The following SYT14 variants were observed in gnomAD, a reference collection of about 807,000 sequenced individuals.
SYT14 encodes synaptotagmin-14.
Under a neutral mutation model 74.2 loss-of-function variants are expected in SYT14, and 32 were observed. The ratio of observed to expected loss-of-function variants is 0.43; its 90% CI spans 0.33 to 0.58. The LOEUF (loss-of-function observed/expected upper bound fraction) is 0.58. Among genes scored for constraint, SYT14 ranks in the 20% least tolerant of loss-of-function variants. SYT14 has a pLI of 0.05. For missense variants in SYT14, 791 were observed against 981.8 expected (o/e 0.81, Z 2.60); for synonymous variants, 298 against 337.7 (o/e 0.88, Z 1.29).
chr1:210,095,579 T>G (rs558930802), intron 6 of SYT14, among the ~76,000 whole-genome samples: 5 of 152,294 alleles, frequency 3.3e-5, no homozygotes, highest in African/African-American at 1.2e-4. Flanking sequence ...GATTGCAAGT[T>G]TTTACTGTTT....
chr1:210,010,510 C>CT (rs549661543), intron 2 of SYT14, among the ~76,000 whole-genome samples: 272 of 152,168 alleles, frequency 1.8e-3, no homozygotes, highest in Non-Finnish European at 2.3e-3. Flanking sequence ...GGTTCTATTC[C>CT]TTTTTTATAC....
intron 2 of SYT14, among the ~76,000 whole-genome samples, chr1:209,999,002 A>G (rs1174075473): frequency 2.0e-5 from 3 of 152,114 alleles, no homozygotes; most frequent in African/African-American, 7.2e-5. Flanking sequence ...CAAAAAGACA[A>G]CATGTTGAAT....
intron 5 of SYT14, among the ~76,000 whole-genome samples, chr1:210,024,583 G>GTGCA (rs1390143931): frequency 2.6e-5 from 4 of 152,114 alleles, no homozygotes; most frequent in African/African-American, 7.2e-5. Flanking sequence ...TTTTACATAT[G>GTGCA]TGATGAGGCA....
At chr1:209,977,367 T>C (rs944206121) in intron 2 of SYT14, among the ~76,000 whole-genome samples, 10 of 152,218 alleles carry the variant, frequency 6.6e-5, no homozygotes, top group East Asian at 3.8e-4. Context: ...CCATGTTTAG[T>C]GCTTCCTTCA....
exon 3 of SYT14, chr1:210,013,673 G>A: frequency 3.1e-6 from 5 of 1,613,028 alleles, no homozygotes; most frequent in Non-Finnish European, 4.2e-6. Flanking sequence ...CTGTTGGGGT[G>A]TTTATTATCT....
chr1:209,939,686 C>T (rs1210888173), intron 1 of SYT14, among the ~76,000 whole-genome samples: 2 of 152,138 alleles, frequency 1.3e-5, no homozygotes, highest in Non-Finnish European at 2.9e-5. Flanking sequence ...CTTTATTTTC[C>T]CAACTAGTTT....
At chr1:210,083,833 G>A (rs2081665235) in intron 5 of SYT14, among the ~76,000 whole-genome samples, 1 of 151,874 alleles carries the variant, frequency 6.6e-6, no homozygotes, top group Admixed American at 6.6e-5. Flanking sequence ...GCCTCCCAAA[G>A]TTCTGGAATT....
chr1:210,050,040 G>A (rs1041238366), intron 5 of SYT14, among the ~76,000 whole-genome samples: 6 of 152,148 alleles, frequency 3.9e-5, no homozygotes, highest in African/African-American at 1.4e-4. Flanking sequence ...AATTTCTACA[G>A]CTGGTTTGAA....
intron 2 of SYT14, among the ~76,000 whole-genome samples, chr1:209,982,992 G>A (rs965573874): frequency 3.3e-5 from 5 of 151,542 alleles, no homozygotes; most frequent in African/African-American, 4.8e-5. Flanking sequence ...TATGCTTATC[G>A]CTTTTGGTGA....
chr1:210,155,670 T>G lies in SYT14; in HGVS notation c.2035-51T>G, dbSNP rs565019952. 5 of 1,579,124 alleles carry G rather than the reference T, an allele frequency of 3.2e-6. No individual in the cohort carries two copies. The South Asian group carries it at 5.6e-5, about 18-fold the overall frequency. ...TAAACATGGCATAACAATATATCTC[T>G]TAATATATCTCTCTTGCAAAATACT... is the stretch of plus-strand genomic sequence containing the variant. On this transcript the variant is annotated intron_variant, in intron 7 of 9. Transcript: ENST00000637265.
chr1:209,968,327 G>A (rs2079188627), intron 2 of SYT14, among the ~76,000 whole-genome samples: 1 of 152,006 alleles, frequency 6.6e-6, no homozygotes, highest in Admixed American at 6.6e-5. Flanking sequence ...TTTAACAAAT[G>A]TGTAATGACG....
At chr1:210,130,679 C>A (rs1322172885) in intron 7 of SYT14, among the ~76,000 whole-genome samples, 1 of 152,114 alleles carries the variant, frequency 6.6e-6, no homozygotes, top group Non-Finnish European at 1.5e-5. Flanking sequence ...AAGATTTGTT[C>A]CAAAATAACA....
At chr1:210,139,745 G>A (rs991918038) in intron 7 of SYT14, among the ~76,000 whole-genome samples, 1 of 152,136 alleles carries the variant, frequency 6.6e-6, no homozygotes, top group Admixed American at 6.5e-5. Context: ...GTGGCCTTTT[G>A]TGTTTGATGA....
intron 5 of SYT14, among the ~76,000 whole-genome samples, chr1:210,062,287 A>G (rs918185660): frequency 2.0e-5 from 3 of 151,922 alleles, no homozygotes; most frequent in African/African-American, 7.2e-5. Flanking sequence ...TTTGATTCTT[A>G]CAGTGTAAAA....
At chr1:210,137,559 T>A (rs1289180546) in intron 7 of SYT14, among the ~76,000 whole-genome samples, 1 of 152,004 alleles carries the variant, frequency 6.6e-6, no homozygotes, top group African/African-American at 2.4e-5. Context: ...GAAAGATATT[T>A]AATTAACCTC....
intron 5 of SYT14, among the ~76,000 whole-genome samples, chr1:210,093,084 A>G (rs2081905535): frequency 6.6e-6 from 1 of 152,160 alleles, no homozygotes; most frequent in Non-Finnish European, 1.5e-5. Flanking sequence ...TTAGACTATT[A>G]GACTCACTAG....
intron 2 of SYT14, among the ~76,000 whole-genome samples, chr1:210,004,886 A>G (rs867821692): frequency 1.4e-4 from 21 of 152,140 alleles, no homozygotes; most frequent in Non-Finnish European, 2.5e-4. Context: ...AGGTAGAATG[A>G]TATCATTTTG....
exon 10 of SYT14, chr1:210,162,011 A>G: frequency 2.2e-6 from 1 of 453,280 alleles, no homozygotes. Flanking sequence ...TTAGTAACCA[A>G]CACTGCGTAA....
chr1:210,157,861 A>G (rs2083299320), intron 8 of SYT14, among the ~76,000 whole-genome samples: 1 of 152,152 alleles, frequency 6.6e-6, no homozygotes, highest in Admixed American at 6.5e-5. Flanking sequence ...TATTTATTCA[A>G]TGGAAGTAAA....
Sources: allele counts gnomAD v4.1 joint callset (sites outside exome capture counted in the v4.1 genomes callset), GRCh38; gene constraint gnomAD v4.1.1; transcripts MANE v1.5; gene names NCBI Gene and HGNC (gene_info 2026-07-23, HGNC 2026-07-21).